The following EPHB1 variants were observed in gnomAD, a reference collection of about 807,000 sequenced individuals.
EPHB1 encodes the protein EPH receptor B1.
In EPHB1, 30 loss-of-function variants were observed where a neutral mutation model predicts 94.4. The ratio of observed to expected loss-of-function variants is 0.32; its 90% CI spans 0.24 to 0.43. EPHB1 has a LOEUF of 0.43. Ranked by LOEUF, EPHB1 falls within the 20% of genes least tolerant of loss-of-function variation. The pLI is 1.00. For missense variants in EPHB1, 1,055 were observed against 1,308.3 expected (o/e 0.81, Z 2.99); for synonymous variants, 522 against 489.1 (o/e 1.07, Z -0.89).
At chr3:135,242,273 G>A (rs181221757) in intron 13 of EPHB1, among the ~76,000 whole-genome samples, 3 of 152,174 alleles carry the variant, frequency 2.0e-5, no homozygotes, top group Middle Eastern at 6.9e-3. Context: ...TTGGGAGGGG[G>A]CAGTTTTTAT....
chr3:135,255,053 G>A lies in EPHB1; in HGVS notation c.2847-3959G>A, dbSNP rs374748069. Among the ~76,000 whole-genome samples, 249 of 152,112 alleles carry A rather than the reference G, an allele frequency of 1.6e-3. No homozygotes were observed. In the East Asian group the frequency reaches 0.021, roughly 13 times the overall value. On this transcript the variant is annotated intron_variant, in intron 15 of 15. Transcript: ENST00000398015. ...TGGTAGTTTGTATTTCTGTGGGATC[G>A]GTGGTGATATCCCCTTTATCATTTT...
intron 2 of EPHB1, among the ~76,000 whole-genome samples, chr3:134,930,311 C>A (rs1281698498): frequency 2.0e-5 from 3 of 152,250 alleles, no homozygotes; most frequent in Non-Finnish European, 4.4e-5. Context: ...AGAAAGTACG[C>A]CCAGATTAAA....
At chr3:135,165,873 T>C in intron 7 of EPHB1, 95 bp from the exon 8 acceptor site, 3 of 826,018 alleles carry the variant, frequency 3.6e-6, no homozygotes, top group Admixed American at 3.8e-5. Flanking sequence ...TCTACATATA[T>C]GTATATTTAG....
chr3:134,811,774 C>T (rs1170530045), intron 1 of EPHB1, among the ~76,000 whole-genome samples: 6 of 152,200 alleles, frequency 3.9e-5, no homozygotes, highest in Non-Finnish European at 7.3e-5. Context: ...GGCCCTCAGC[C>T]GAGTTAGAGC....
intron 1 of EPHB1, among the ~76,000 whole-genome samples, chr3:134,868,420 A>G (rs1276631299): frequency 6.6e-6 from 1 of 152,222 alleles, no homozygotes; most frequent in Non-Finnish European, 1.5e-5. Flanking sequence ...TGTAATGTGC[A>G]ATGAAGGTTA....
At chr3:134,960,550 A>G (rs1393093986) in intron 3 of EPHB1, among the ~76,000 whole-genome samples, 2 of 152,200 alleles carry the variant, frequency 1.3e-5, no homozygotes, top group Non-Finnish European at 2.9e-5. Flanking sequence ...GCTATCCATA[A>G]GACAGAGAGT....
At chr3:135,182,990 C>CTTTT (rs1355710304) in intron 10 of EPHB1, among the ~76,000 whole-genome samples, 2 of 79,884 alleles carry the variant, frequency 2.5e-5, no homozygotes, top group Non-Finnish European at 5.8e-5. Flanking sequence ...CTTTTGCTTT[C>CTTTT]TTTTCTTTTC....
chr3:135,059,346 T>C (rs1937430549), intron 3 of EPHB1, among the ~76,000 whole-genome samples: 1 of 152,254 alleles, frequency 6.6e-6, no homozygotes, highest in Non-Finnish European at 1.5e-5. Flanking sequence ...TGGAATATTA[T>C]GACATGGGTC....
intron 3 of EPHB1, among the ~76,000 whole-genome samples, chr3:134,994,857 C>T (rs1450165687): frequency 6.6e-6 from 1 of 151,994 alleles, no homozygotes; most frequent in African/African-American, 2.4e-5. Flanking sequence ...TAAGAAAAAC[C>T]CATTTACCCT....
chr3:134,872,215 C>T (rs1428122455), intron 1 of EPHB1, among the ~76,000 whole-genome samples: 3 of 152,170 alleles, frequency 2.0e-5, no homozygotes, highest in African/African-American at 7.2e-5. Context: ...ACTGTTTTGC[C>T]TCTCCAGGAG....
chr3:134,992,242 G>A (rs545778960), intron 3 of EPHB1, among the ~76,000 whole-genome samples: 1 of 152,254 alleles, frequency 6.6e-6, no homozygotes, highest in African/African-American at 2.4e-5. Flanking sequence ...CAGGGAGCAG[G>A]CGGGCTGCTC....
At chr3:135,019,460 G>T (rs36056) in intron 3 of EPHB1, among the ~76,000 whole-genome samples, 151,173 of 152,322 alleles carry the variant, frequency 0.99, 75,024 homozygotes, top group Middle Eastern at 1. Flanking sequence ...AGATGAATAT[G>T]TCAGAAAAAT....
intron 12 of EPHB1, among the ~76,000 whole-genome samples, chr3:135,230,808 G>C (rs1237913865): frequency 6.6e-6 from 1 of 152,182 alleles, no homozygotes; most frequent in Non-Finnish European, 1.5e-5. Context: ...TTATAAGTGA[G>C]AATGTGTGAT....
chr3:135,153,474 C>A (rs1941254852), intron 5 of EPHB1, among the ~76,000 whole-genome samples: 2 of 152,210 alleles, frequency 1.3e-5, no homozygotes, highest in South Asian at 4.1e-4. Context: ...TTATCTTGTT[C>A]CCAAATGTTT....
chr3:134,827,399 A>T (rs536694807), intron 1 of EPHB1, among the ~76,000 whole-genome samples: 8 of 151,538 alleles, frequency 5.3e-5, no homozygotes, highest in Non-Finnish European at 1.2e-4. Flanking sequence ...ATACACACAC[A>T]CTCCTTATGG....
chr3:135,039,185 C>T (rs944118721), intron 3 of EPHB1, among the ~76,000 whole-genome samples: 3 of 151,184 alleles, frequency 2.0e-5, no homozygotes, highest in African/African-American at 4.9e-5. Flanking sequence ...TTTACAATCC[C>T]TGAGCTAGAC....
intron 12 of EPHB1, among the ~76,000 whole-genome samples, chr3:135,227,068 A>G (rs1943420627): frequency 1.3e-5 from 2 of 152,210 alleles, no homozygotes; most frequent in Non-Finnish European, 2.9e-5. Context: ...ATTCAGTACC[A>G]TGCTCACTAT....
intron 3 of EPHB1, among the ~76,000 whole-genome samples, chr3:135,052,226 C>T (rs1430855648): frequency 6.6e-6 from 1 of 152,118 alleles, no homozygotes; most frequent in Non-Finnish European, 1.5e-5. Flanking sequence ...GAACTGGACC[C>T]ATTGAATGAA....
chr3:134,843,102 G>A (rs2108297083), intron 1 of EPHB1, among the ~76,000 whole-genome samples: 1 of 152,090 alleles, frequency 6.6e-6, no homozygotes, highest in African/African-American at 2.4e-5. Flanking sequence ...AAATTTTCTG[G>A]CTTTGGTTGT....
Sources: allele counts gnomAD v4.1 joint callset (sites outside exome capture counted in the v4.1 genomes callset), GRCh38; gene constraint gnomAD v4.1.1; transcripts MANE v1.5; gene names NCBI Gene and HGNC (gene_info 2026-07-23, HGNC 2026-07-21).